The following STAP2 variants were observed in gnomAD, a reference collection of about 807,000 sequenced individuals.
STAP2 encodes the protein signal transducing adaptor family member 2, also known as signal-transducing adaptor protein 2.
A neutral mutation model predicts 52.7 loss-of-function variants in STAP2; 58 were observed. That is an observed-to-expected ratio of 1.10 (90% confidence interval 0.89 to 1.37). The LOEUF (loss-of-function observed/expected upper bound fraction) is 1.37, where lower values mean the gene tolerates loss of function less well. Ranked by LOEUF, STAP2 falls within the 40% of genes most tolerant of loss-of-function variation. The pLI is 0.00. For synonymous variants in STAP2, 231 were observed against 210.5 expected (o/e 1.10, Z -0.84); for missense variants, 522 against 519.4 (o/e 1.00, Z -0.05).
At chr19:4,336,040 T>G (rs757422390) in intron 1 of STAP2, among the ~76,000 whole-genome samples, 1 of 152,054 alleles carries the variant, frequency 6.6e-6, no homozygotes, top group Non-Finnish European at 1.5e-5. Context: ...AGAGACAGAG[T>G]CTTGCTCTGT....
chr19:4,324,304 A>C, intron 12 of STAP2, 107 bp from the exon 13 acceptor site: 1 of 1,344,160 alleles, frequency 7.4e-7, no homozygotes, highest in Middle Eastern at 2.4e-4. Context: ...GGCCCCGTGC[A>C]ACAGGACAGT....
At chr19:4,337,849 T>C (rs1972004194) in intron 1 of STAP2, among the ~76,000 whole-genome samples, 1 of 151,650 alleles carries the variant, frequency 6.6e-6, no homozygotes, top group Non-Finnish European at 1.5e-5. Flanking sequence ...AGACTCAGTC[T>C]CAAAAATAAA....
At chr19:4,329,826 A>AC in intron 5 of STAP2, 135 bp downstream of exon 5, 1 of 35,068 alleles carries the variant, frequency 2.9e-5, no homozygotes, top group Non-Finnish European at 5.9e-5. Flanking sequence ...CCCCTCCCCC[A>AC]CCCCCAGCCC....
chr19:4,336,078 T>C (rs1454778174), intron 1 of STAP2, among the ~76,000 whole-genome samples: 2 of 152,040 alleles, frequency 1.3e-5, no homozygotes, highest in Non-Finnish European at 2.9e-5. Context: ...AGTGGTGCGA[T>C]CTCGGCTCAC....
rs975986792 is a variant in STAP2, at chr19:4,334,056, A to C, written c.103-12T>G. 3 of 1,604,540 alleles carry C rather than the reference A, an allele frequency of 1.9e-6. No homozygotes were observed. Among genetic ancestry groups the C allele is most frequent in the Admixed American group, 3.5e-5 (2 of 57,210 alleles). On this transcript the variant is annotated splice_polypyrimidine_tract_variant and intron_variant, in intron 1 of 12. Coordinates refer to ENST00000594605, the MANE Select transcript of STAP2 (RefSeq NM_001013841.2). ...AACTTCTTGTAATCCTAGGGACCAG[A>C]AGTGCAGAAAGAAGAGGTGAGCTGG...
chr19:4,328,541 C>G lies in STAP2; in HGVS notation c.590+134G>C, dbSNP rs569384794. 2.0e-3 allele frequency: 2,536 copies of G among 1,254,254 alleles called. 5 individuals are homozygous for G. The highest frequency in any genetic ancestry group is 2.5e-3 in the Non-Finnish European group (2,324 of 914,018). The allele number at this position is 1,254,254 out of a possible 1,614,324, so 77.7% of individuals were successfully genotyped here. On this transcript the variant is annotated intron_variant, in intron 6 of 12. Transcript: ENST00000594605. ...AGCTCTGACTCCGTCCCCAGACGCC[C>G]GTCTCGGCTCTGGCTCCGTCCCCTG...
chr19:4,328,728 G>A lies in STAP2; in HGVS notation c.537C>T (p.Pro179=). The A allele has an allele frequency of 6.2e-7, 1 of 1,608,980 alleles. No individual in the cohort carries two copies. The highest frequency in any genetic ancestry group is 8.5e-7 in the Non-Finnish European group (1 of 1,178,462). ...YPECGNLLLR[P]SGDGADGVSV... ...ACACGCCGTCGGCGCCGTCCCCGCT[G>A]GGCCGCAGCAGCAGGTTCCCGCACT... The change falls in exon 6 of 13, where the codon CCC becomes CCT. Residue 179 remains proline (P), a synonymous_variant. Transcript: ENST00000594605.
Position 4,327,370 on chromosome 19 carries a change from C to A in STAP2, c.606G>T (p.Arg202=). 6.2e-7 allele frequency: 1 copy of A among 1,614,142 alleles called. No homozygotes were observed. The highest frequency in any genetic ancestry group is 8.5e-7 in the Non-Finnish European group (1 of 1,180,002). ...GGCCCTCCCGCTTCACCTTGTAATG[C>A]CGGACCACGTGCGTCCTGCACCAGG... ...RQMHNGTHVV[R]HYKVKREGPK... Residue 202 remains arginine, a synonymous_variant, in exon 7 of 13, where the codon CGG becomes CGT. Coordinates refer to ENST00000594605, the MANE Select transcript of STAP2 (RefSeq NM_001013841.2).
chr19:4,332,191 TTC>T, intron 3 of STAP2, 113 bp from the exon 4 acceptor site: 1 of 575,152 alleles, frequency 1.7e-6, no homozygotes, highest in Non-Finnish European at 2.6e-6. Flanking sequence ...TTTTTTCTTT[TTC>T]TTCTTTTTTT....
intron 1 of STAP2, among the ~76,000 whole-genome samples, chr19:4,336,713 C>T (rs1971986344): frequency 6.6e-6 from 1 of 151,896 alleles, no homozygotes. Context: ...TGACTCACTG[C>T]AAACTTCGCC....
chr19:4,328,844 G>C (rs1328615269), intron 5 of STAP2, 35 bp from the exon 6 acceptor site: 3 of 1,601,268 alleles, frequency 1.9e-6, no homozygotes, highest in Non-Finnish European at 2.6e-6. Flanking sequence ...CGGGACCCCG[G>C]AGACCAAGTC....
Position 4,333,823 on chromosome 19 carries a change from G to C in STAP2, c.175-7C>G. The C allele has an allele frequency of 6.2e-7, 1 of 1,613,844 alleles. No homozygotes were observed. Among genetic ancestry groups the C allele is most frequent in the Non-Finnish European group, 8.5e-7 (1 of 1,179,948 alleles). On this transcript the variant is annotated splice_polypyrimidine_tract_variant and splice_region_variant and intron_variant, in intron 2 of 12. Coordinates refer to ENST00000594605, the MANE Select transcript of STAP2 (RefSeq NM_001013841.2). ...AGTTGAGCTTCTCCACGTGCTGGGG[G>C]CATAGAAGCAGGGGATCTGGGCACC... is the stretch of plus-strand genomic sequence containing the variant.
chr19:4,330,837 C>T (rs1971878189), intron 4 of STAP2, among the ~76,000 whole-genome samples: 1 of 150,962 alleles, frequency 6.6e-6, no homozygotes, highest in South Asian at 2.1e-4. Context: ...GCCTCAGCCT[C>T]CCGAGTAGCT....
chr19:4,327,982 C>A (rs1378866799), intron 6 of STAP2, among the ~76,000 whole-genome samples: 1 of 152,074 alleles, frequency 6.6e-6, no homozygotes, highest in Non-Finnish European at 1.5e-5. Flanking sequence ...CCAAAGAGCC[C>A]ATTCCCATCC....
chr19:4,328,701 C>T lies in STAP2; in HGVS notation c.564G>A (p.Ser188=), dbSNP rs771770809. The T allele has an allele frequency of 1.9e-6, 3 of 1,604,976 alleles. No individual in the cohort carries two copies. The highest frequency in any genetic ancestry group is 2.5e-6 in the Non-Finnish European group (3 of 1,176,740). ...RPSGDGADGV[S]VTTRQMHNGT... ...CGTTGTGCATCTGCCGCGTGGTGAC[C>T]GACACGCCGTCGGCGCCGTCCCCGC... Residue 188 remains serine (S), a synonymous_variant, in exon 6 of 13, where the codon TCG becomes TCA. Transcript: ENST00000594605.
intron 3 of STAP2, 118 bp from the exon 4 acceptor site, chr19:4,332,196 C>CTTTTTTTTTTT (rs58828365): frequency 4.6e-6 from 1 of 218,764 alleles, no homozygotes; most frequent in African/African-American, 4.3e-5. Context: ...TCTTTTTCTT[C>CTTTTTTTTTTT]TTTTTTTTTT....
intron 1 of STAP2, among the ~76,000 whole-genome samples, chr19:4,334,473 ATC>A (rs1250911854): frequency 1.3e-5 from 2 of 150,836 alleles, no homozygotes; most frequent in African/African-American, 4.9e-5. Flanking sequence ...CCATTGACCC[ATC>A]CATTCACCCA....
chr19:4,332,903 C>G (rs1181993599), intron 3 of STAP2, among the ~76,000 whole-genome samples: 1 of 150,496 alleles, frequency 6.6e-6, no homozygotes, highest in African/African-American at 2.4e-5. Context: ...CTAAACCCTC[C>G]CATAGGCCAG....
Position 4,325,196 on chromosome 19 carries a change from G to T in STAP2, c.1072+20C>A, listed in dbSNP as rs1207106525. ...CTGGCCTGCCATCAGGTGAGGGTGG[G>T]ATATGGGGGGGACCCCAACCTGGCT... On this transcript the variant is annotated intron_variant, in intron 11 of 12. Coordinates refer to ENST00000594605, the MANE Select transcript of STAP2 (RefSeq NM_001013841.2). 8 of 1,563,118 alleles carry T rather than the reference G, an allele frequency of 5.1e-6. No homozygotes were observed. Among genetic ancestry groups the T allele is most frequent in the Non-Finnish European group, 6.9e-6 (8 of 1,152,566 alleles).
Sources: gnomAD v4.1 joint callset for allele counts (sites outside exome capture counted in the v4.1 genomes callset) on GRCh38, gnomAD v4.1.1 for gene constraint, MANE v1.5 for transcripts, NCBI Gene and HGNC (gene_info 2026-07-23, HGNC 2026-07-21) for gene names.